The following DIP2A variants were observed in gnomAD, a reference collection of about 807,000 sequenced individuals.
The protein encoded by DIP2A is DIP2 acetate--CoA ligase A.
In DIP2A, 85 loss-of-function variants were observed where a neutral mutation model predicts 177.4. That is an observed-to-expected ratio of 0.48 (90% CI 0.40 to 0.57). The LOEUF is 0.57. Among genes scored for constraint, DIP2A ranks in the 20% least tolerant of loss-of-function variants. The pLI, the probability that DIP2A is intolerant of heterozygous loss-of-function variation, is 0.00. For synonymous variants in DIP2A, 886 were observed against 881.8 expected, an observed-to-expected ratio of 1.00 and a Z score of -0.08; for missense variants, 1,791 against 2,100.2, an observed-to-expected ratio of 0.85 and a Z score of 2.88.
At chr21:46,564,050 C>T in intron 35 of DIP2A, 118 bp downstream of exon 35, 1 of 1,226,638 alleles carries the variant, frequency 8.2e-7, no homozygotes, top group Admixed American at 2.3e-5. Flanking sequence ...TACCAGAAAC[C>T]ATTTGGCCCT....
chr21:46,513,889 A>G (rs927282801), intron 8 of DIP2A, among the ~76,000 whole-genome samples: 4 of 152,218 alleles, frequency 2.6e-5, no homozygotes, highest in Middle Eastern at 3.4e-3. Flanking sequence ...TTCTAATCTC[A>G]AGCATTTCGG....
At position 46,566,481 on chromosome 21, in the gene DIP2A, G is replaced by A; in HGVS notation, c.4340-79G>A. 5 of 1,583,056 alleles carry A rather than the reference G, an allele frequency of 3.2e-6. No individual in the cohort carries two copies. In the Admixed American group the frequency reaches 6.9e-5, roughly 22 times the overall value. ...ACCTCCCTGTGCCTGAGAGCCCCTGGTTGGGCTCAGAGGATACGAATGTCC... is the reference window on the plus strand; with the variant it reads ...ACCTCCCTGTGCCTGAGAGCCCCTGATTGGGCTCAGAGGATACGAATGTCC... On this transcript the variant is annotated intron_variant, in intron 36 of 37. Transcript: ENST00000417564.
chr21:46,528,967 G>A (rs1232057693), intron 8 of DIP2A, 125 bp from the exon 9 acceptor site: 1 of 544,752 alleles, frequency 1.8e-6, no homozygotes, highest in Non-Finnish European at 3.1e-6. Flanking sequence ...GTTATTAGTT[G>A]GAAACTACCT....
intron 3 of DIP2A, among the ~76,000 whole-genome samples, chr21:46,492,594 G>A (rs1005636624): frequency 1.1e-4 from 16 of 152,056 alleles, no homozygotes; most frequent in African/African-American, 3.6e-4. Flanking sequence ...TTTGGAGTTT[G>A]GTCCTTTGGG....
the DIP2A span, among the ~76,000 whole-genome samples, chr21:46,576,733 T>A: frequency 6.6e-6 from 1 of 152,228 alleles, no homozygotes; most frequent in Non-Finnish European, 1.5e-5. Flanking sequence ...TAATTTGCAT[T>A]CCCATCAACA....
At chr21:46,561,677 A>G (rs2148909638) in intron 33 of DIP2A, 71 bp from the exon 34 acceptor site, 3 of 1,573,926 alleles carry the variant, frequency 1.9e-6, no homozygotes. Flanking sequence ...TTCCAACGTC[A>G]TGATCTGCCC....
the DIP2A span, among the ~76,000 whole-genome samples, chr21:46,583,039 G>T: frequency 1.1e-4 from 16 of 152,068 alleles, no homozygotes; most frequent in Non-Finnish European, 1.5e-4. Flanking sequence ...GATACAAATA[G>T]ACTGACAGTA....
intron 35 of DIP2A, among the ~76,000 whole-genome samples, 160 bp from the exon 36 acceptor site, chr21:46,565,553 A>G (rs922850011): frequency 6.6e-6 from 1 of 152,238 alleles, no homozygotes; most frequent in Non-Finnish European, 1.5e-5. Flanking sequence ...CTGTGCCTGT[A>G]ATTTAACTTA....
intron 8 of DIP2A, among the ~76,000 whole-genome samples, chr21:46,515,302 G>C (rs1363511934): frequency 6.6e-6 from 1 of 152,218 alleles, no homozygotes; most frequent in African/African-American, 2.4e-5. Context: ...GAGACTGTCA[G>C]TTCTACATTG....
Position 46,498,858 on chromosome 21 carries a change from C to G in DIP2A, c.655+25C>G. ...GGTCAGTAATAAGCTGCTGCGGCCC[C>G]TGTGCCAGCAGAGCGGGGTCAGGAG... On this transcript the variant is annotated intron_variant, in intron 5 of 37. Transcript: ENST00000417564. This position sits in a 1 kb window ranked among gnomAD's most constrained non-coding sequence, Gnocchi z 4.3. The G allele has an allele frequency of 6.3e-7, 1 of 1,593,258 alleles. No individual in the cohort carries two copies. Among genetic ancestry groups the G allele is most frequent in the Non-Finnish European group, 8.6e-7 (1 of 1,167,316 alleles).
intron 8 of DIP2A, among the ~76,000 whole-genome samples, chr21:46,512,199 C>T (rs569601375): frequency 6.6e-6 from 1 of 152,226 alleles, no homozygotes. Context: ...CTGGAACTTA[C>T]TTACACACTC....
At chr21:46,521,751 C>T (rs1022097728) in intron 8 of DIP2A, among the ~76,000 whole-genome samples, 15 of 152,218 alleles carry the variant, frequency 9.9e-5, no homozygotes, top group Non-Finnish European at 1.9e-4. Context: ...ACCCCTTTAA[C>T]TTTAGGCCAG....
chr21:46,549,637 CA>C, intron 21 of DIP2A, 133 bp from the exon 22 acceptor site: 2 of 1,459,768 alleles, frequency 1.4e-6, no homozygotes, highest in Non-Finnish European at 1.8e-6. Context: ...TTTGAATGTG[CA>C]GCAGGTAGCC....
At chr21:46,468,958 G>A (rs887920939) in intron 1 of DIP2A, among the ~76,000 whole-genome samples, 4 of 152,016 alleles carry the variant, frequency 2.6e-5, no homozygotes, top group East Asian at 1.9e-4. Context: ...TTCTTTCACC[G>A]CTTAAGTTTA....
At chr21:46,532,710 G>A (rs1018141145) in intron 10 of DIP2A, among the ~76,000 whole-genome samples, 1 of 152,174 alleles carries the variant, frequency 6.6e-6, no homozygotes, top group African/African-American at 2.4e-5. Context: ...AAATTATCTT[G>A]CATTTCTGTT....
chr21:46,532,644 T>C (rs1055400597), intron 10 of DIP2A, among the ~76,000 whole-genome samples: 2 of 152,234 alleles, frequency 1.3e-5, no homozygotes, highest in African/African-American at 4.8e-5. Context: ...GGGATAAATA[T>C]ATCATTACAG....
At position 46,534,594 on chromosome 21, in the gene DIP2A, A is replaced by G; in HGVS notation, c.1549A>G (p.Ser517Gly). ...CCTTGAAATCTTTCAGTATAAAACC[A>G]GCAAAGAAGGCAGTACGGTGGGGGT... ...TGTAYIEYKT[S>G]KEGSTVGVTV... Residue 517 changes from serine to glycine, a missense_variant, in exon 13 of 38, where the codon AGC becomes GGC. Transcript: ENST00000417564. 1.2e-6 allele frequency: 2 copies of G among 1,613,712 alleles called. No individual in the cohort carries two copies. The highest frequency in any genetic ancestry group is 1.7e-6 in the Non-Finnish European group (2 of 1,179,844).
At chr21:46,461,753 A>G (rs1319475725) in intron 1 of DIP2A, among the ~76,000 whole-genome samples, 5 of 152,192 alleles carry the variant, frequency 3.3e-5, no homozygotes, top group Admixed American at 1.3e-4. Context: ...AAGCTGAGAA[A>G]GGGGGTAAAC....
the DIP2A span, among the ~76,000 whole-genome samples, chr21:46,576,548 A>G: frequency 6.6e-6 from 1 of 152,170 alleles, no homozygotes; most frequent in Admixed American, 6.5e-5. Flanking sequence ...GGTTGATTCC[A>G]TGCCTTTGCT....
Sources: allele counts gnomAD v4.1 joint callset (sites outside exome capture counted in the v4.1 genomes callset), GRCh38; gene constraint gnomAD v4.1.1; non-coding constraint Gnocchi (gnomAD v3.1); transcripts MANE v1.5; gene names NCBI Gene and HGNC (gene_info 2026-07-23, HGNC 2026-07-21).